RALGPS2: variants seen among roughly 807,000 people sequenced by gnomAD.
RALGPS2 encodes the protein ras-specific guanine nucleotide-releasing factor RalGPS2.
In RALGPS2, 43 loss-of-function variants were observed where a neutral mutation model predicts 86.8. The observed-to-expected ratio is 0.50, with a 90% CI of 0.39 to 0.64. RALGPS2 has a LOEUF of 0.64. RALGPS2 is among the 30% of genes least tolerant of loss of function. The pLI, the probability that RALGPS2 is intolerant of heterozygous loss-of-function variation, is 0.00. For missense variants in RALGPS2, 536 were observed against 694.6 expected (o/e 0.77, Z 2.57); for synonymous variants, 243 against 231.3 (o/e 1.05, Z -0.46).
chr1:178,861,510 T>G (rs954576018), intron 8 of RALGPS2, among the ~76,000 whole-genome samples: 23 of 152,226 alleles, frequency 1.5e-4, no homozygotes, highest in African/African-American at 5.5e-4. Context: ...ATGTTTCATT[T>G]TGTATAAACA....
intron 4 of RALGPS2, among the ~76,000 whole-genome samples, chr1:178,788,817 T>G (rs1653797646): frequency 7.0e-6 from 1 of 143,576 alleles, no homozygotes; most frequent in Non-Finnish European, 1.5e-5. Context: ...TCTTTTCTTT[T>G]CTTTTCTTTT....
At chr1:178,748,345 G>T (rs1050966436) in intron 1 of RALGPS2, among the ~76,000 whole-genome samples, 1 of 150,978 alleles carries the variant, frequency 6.6e-6, no homozygotes, top group Non-Finnish European at 1.5e-5. Flanking sequence ...AGAAGTTAAC[G>T]TACACCTACC....
At chr1:178,913,007 A>T (rs986853749) in intron 19 of RALGPS2, among the ~76,000 whole-genome samples, 1 of 151,906 alleles carries the variant, frequency 6.6e-6, no homozygotes, top group Non-Finnish European at 1.5e-5. Flanking sequence ...CTAGGCTGGG[A>T]GTGGTGGCTC....
intron 1 of RALGPS2, among the ~76,000 whole-genome samples, chr1:178,741,830 C>A (rs548895748): frequency 6.6e-6 from 1 of 151,992 alleles, no homozygotes; most frequent in Admixed American, 6.6e-5. Context: ...TCTAGAAGAC[C>A]TAAACACATT....
At chr1:178,775,933 A>C (rs1653061260) in intron 1 of RALGPS2, among the ~76,000 whole-genome samples, 1 of 151,990 alleles carries the variant, frequency 6.6e-6, no homozygotes, top group South Asian at 2.1e-4. Context: ...AAAAAAAAAA[A>C]AAAGGATGGT....
intron 6 of RALGPS2, among the ~76,000 whole-genome samples, chr1:178,815,772 T>C (rs1303230329): frequency 2.6e-5 from 4 of 152,208 alleles, no homozygotes; most frequent in Non-Finnish European, 5.9e-5. Flanking sequence ...TCCTCCATAT[T>C]GCCCTGCCAA....
At chr1:178,732,848 T>C (rs1450327423) in intron 1 of RALGPS2, among the ~76,000 whole-genome samples, 1 of 152,110 alleles carries the variant, frequency 6.6e-6, no homozygotes, top group African/African-American at 2.4e-5. Context: ...ATAGATTATC[T>C]CCTGTTGAAC....
intron 2 of RALGPS2, among the ~76,000 whole-genome samples, chr1:178,778,991 CAT>C (rs1426566783): frequency 6.6e-6 from 1 of 152,056 alleles, no homozygotes. Context: ...TTAAAAGAAA[CAT>C]AGAATTTCTT....
At position 178,921,784 on chromosome 1, in the gene RALGPS2, A is replaced by G. The variant is rs962229656; in HGVS notation, c.*5425A>G. ...GTGTGTCTGCATAAGCTAACTTAAG[A>G]TGAATTTAAGTACAGTTTTCTGAAA... On this transcript the variant is annotated 3_prime_UTR_variant, in exon 20 of 20. Coordinates refer to ENST00000367635, the MANE Select transcript of RALGPS2 (RefSeq NM_152663.5). 4 of 152,120 alleles carry G rather than the reference A, an allele frequency of 2.6e-5. No individual in the cohort carries two copies. Among genetic ancestry groups the G allele is most frequent in the Non-Finnish European group, 4.4e-5 (3 of 67,966 alleles). The allele number at this position is 152,120 out of a possible 1,614,324, so 9.4% of individuals were successfully genotyped here. A position where few individuals can be genotyped will look rare whatever the true frequency, so the allele number is the denominator to read the frequency against.
chr1:178,833,602 T>G, intron 8 of RALGPS2, 52 bp downstream of exon 8: 1 of 1,505,190 alleles, frequency 6.6e-7, no homozygotes, highest in Non-Finnish European at 8.8e-7. Context: ...TCTTCCTTAC[T>G]CAGTAATTTA....
At chr1:178,913,992 C>T (rs928074055) in intron 19 of RALGPS2, among the ~76,000 whole-genome samples, 5 of 152,160 alleles carry the variant, frequency 3.3e-5, no homozygotes, top group African/African-American at 9.7e-5. Flanking sequence ...TGGTGACAGT[C>T]GCCCGCAAAA....
chr1:178,871,826 A>T (rs1226144960), intron 8 of RALGPS2, among the ~76,000 whole-genome samples: 5 of 152,102 alleles, frequency 3.3e-5, no homozygotes, highest in African/African-American at 1.2e-4. Context: ...GGAAGCTCTG[A>T]CTCTATGCCA....
chr1:178,807,873 A>G (rs1654813997), intron 4 of RALGPS2, among the ~76,000 whole-genome samples, 172 bp from the exon 5 acceptor site: 1 of 152,194 alleles, frequency 6.6e-6, no homozygotes, highest in Non-Finnish European at 1.5e-5. Context: ...ATGTCCTGCT[A>G]ATCAAATTTG....
chr1:178,787,689 T>C (rs1003609634), intron 4 of RALGPS2, among the ~76,000 whole-genome samples: 1 of 152,166 alleles, frequency 6.6e-6, no homozygotes. Flanking sequence ...AAATAAACCT[T>C]AAAATTCCCT....
chr1:178,885,915 G>C lies in RALGPS2; in HGVS notation c.1041-54G>C, dbSNP rs1007025116. The C allele has an allele frequency of 1.2e-4, 167 of 1,435,852 alleles. 1 individual carries two copies. The Middle Eastern group carries it at 2.3e-3, about 20-fold the overall frequency. 88.9% of individuals were successfully genotyped at this position (1,435,852 alleles called of 1,614,324 possible). ...GTCCTAAATCTTTATATAAAGAGCA[G>C]TTTTTAAATTAGTAACAATAATAAA... On this transcript the variant is annotated intron_variant, in intron 12 of 19. Transcript: ENST00000367635.
intron 8 of RALGPS2, chr1:178,852,583 G>A: frequency 2.3e-6 from 3 of 1,320,896 alleles, no homozygotes; most frequent in Non-Finnish European, 2.1e-6. Flanking sequence ...GACCAAAACT[G>A]ACCTTTTTGA....
intron 4 of RALGPS2, among the ~76,000 whole-genome samples, chr1:178,797,120 T>C (rs1654230139): frequency 6.6e-6 from 1 of 152,176 alleles, no homozygotes; most frequent in Non-Finnish European, 1.5e-5. Flanking sequence ...CTTTGAGTTG[T>C]TGAGTTTACT....
intron 15 of RALGPS2, among the ~76,000 whole-genome samples, chr1:178,893,165 G>A (rs1340401061): frequency 6.6e-6 from 1 of 151,872 alleles, no homozygotes; most frequent in Admixed American, 6.6e-5. Flanking sequence ...ATTGGCTCAT[G>A]TAGAAATCAT....
In RALGPS2 at chr1:178,808,148, T is replaced by C. The variant is rs558404138; in HGVS notation, c.297+20T>C. ...AATCATGTGAGTTTATAAATTTTGATACTGTGTCTGAAATTCAGTTCCTCA... is the reference window on the plus strand; with the variant it reads ...AATCATGTGAGTTTATAAATTTTGACACTGTGTCTGAAATTCAGTTCCTCA... On this transcript the variant is annotated intron_variant, in intron 5 of 19. Coordinates refer to ENST00000367635, the MANE Select transcript of RALGPS2 (RefSeq NM_152663.5). 8.0e-6 allele frequency: 12 copies of C among 1,507,896 alleles called. No homozygotes were observed. The South Asian group carries it at 1.4e-4, about 17-fold the overall frequency. 93.4% of individuals were successfully genotyped at this position (1,507,896 alleles called of 1,614,324 possible).
Sources: allele counts gnomAD v4.1 joint callset (sites outside exome capture counted in the v4.1 genomes callset), GRCh38; gene constraint gnomAD v4.1.1; transcripts MANE v1.5; gene names NCBI Gene and HGNC (gene_info 2026-07-23, HGNC 2026-07-21).